The following MRTFA variants were observed in gnomAD, a reference collection of about 807,000 sequenced individuals.
The protein encoded by MRTFA is myocardin related transcription factor A.
MRTFA carries 20 observed loss-of-function variants against 83.5 expected under a neutral mutation model. The ratio of observed to expected loss-of-function variants is 0.24; its 90% CI spans 0.17 to 0.35. The LOEUF (loss-of-function observed/expected upper bound fraction) is 0.35, where lower values mean the gene tolerates loss of function less well. Ranked by LOEUF, MRTFA falls within the 10% of genes least tolerant of loss-of-function variation. MRTFA has a pLI of 1.00. For synonymous variants in MRTFA, 659 were observed against 541.2 expected, an observed-to-expected ratio of 1.22 and a Z score of -3.02; for missense variants, 1,200 against 1,224.7, an observed-to-expected ratio of 0.98 and a Z score of 0.30.
intron 2 of MRTFA, among the ~76,000 whole-genome samples, chr22:40,588,231 G>T (rs1157947132): frequency 6.6e-6 from 1 of 152,122 alleles, no homozygotes; most frequent in Non-Finnish European, 1.5e-5. Context: ...GTTTCACCAT[G>T]TTGGTCAGGC....
At chr22:40,615,620 GTCT>G (rs1163602923) in intron 1 of MRTFA, among the ~76,000 whole-genome samples, 1 of 151,484 alleles carries the variant, frequency 6.6e-6, no homozygotes, top group African/African-American at 2.4e-5. Context: ...ACTTATTTAG[GTCT>G]TCTTTAACTT....
intron 14 of MRTFA, chr22:40,412,537 A>G (rs1415077157): frequency 6.6e-6 from 1 of 152,248 alleles, no homozygotes; most frequent in African/African-American, 2.4e-5. Flanking sequence ...AGGTGTTGAT[A>G]AGTGCATTCA....
chr22:40,480,807 G>A (rs2054077298), intron 3 of MRTFA, among the ~76,000 whole-genome samples: 1 of 143,786 alleles, frequency 7.0e-6, no homozygotes, highest in African/African-American at 2.7e-5. Flanking sequence ...GGAGTGCAGT[G>A]GCGCGATCTC....
intron 7 of MRTFA, among the ~76,000 whole-genome samples, chr22:40,428,843 C>T (rs1191917310): frequency 3.9e-5 from 6 of 152,164 alleles, no homozygotes; most frequent in Non-Finnish European, 8.8e-5. Flanking sequence ...AGTGCCTTCT[C>T]ATCAGGTCCT....
chr22:40,588,874 G>A (rs534706106), intron 2 of MRTFA, among the ~76,000 whole-genome samples: 12 of 152,006 alleles, frequency 7.9e-5, no homozygotes, highest in African/African-American at 2.9e-4. Context: ...CCTAGCTACC[G>A]AGGAGGCTGA....
intron 4 of MRTFA, among the ~76,000 whole-genome samples, chr22:40,441,325 G>C (rs1015176359): frequency 3.3e-5 from 5 of 152,132 alleles, no homozygotes; most frequent in African/African-American, 1.2e-4. Flanking sequence ...TCTAGATGTG[G>C]ACCCCGCCCC....
intron 8 of MRTFA, 55 bp from the exon 9 acceptor site, chr22:40,423,740 A>C (rs895628902): frequency 1.4e-6 from 2 of 1,452,008 alleles, no homozygotes; most frequent in Non-Finnish European, 9.2e-7. Flanking sequence ...GGGTGTGCCC[A>C]GCCTGCCCTG....
intron 8 of MRTFA, among the ~76,000 whole-genome samples, 191 bp downstream of exon 8, chr22:40,424,015 T>TG (rs1219040560): frequency 1.3e-5 from 2 of 152,208 alleles, no homozygotes; most frequent in African/African-American, 4.8e-5. Flanking sequence ...CTCTGGCTGC[T>TG]GGAGAGGGGC....
chr22:40,586,684 G>A (rs967301736), intron 2 of MRTFA: 2 of 242,716 alleles, frequency 8.2e-6, no homozygotes, highest in Non-Finnish European at 1.6e-5. Context: ...GACCTTTATG[G>A]AATAAACCAA....
At chr22:40,475,490 T>C (rs2053978602) in intron 3 of MRTFA, among the ~76,000 whole-genome samples, 1 of 151,902 alleles carries the variant, frequency 6.6e-6, no homozygotes, top group Admixed American at 6.5e-5. Flanking sequence ...TGAGCCGAAA[T>C]TGTGCCCCTG....
At chr22:40,610,470 T>G (rs1330804306) in intron 1 of MRTFA, among the ~76,000 whole-genome samples, 1 of 152,172 alleles carries the variant, frequency 6.6e-6, no homozygotes, top group African/African-American at 2.4e-5. Flanking sequence ...TGGACTCAGA[T>G]TGCTGCTGTA....
chr22:40,568,961 G>A (rs2055744997), intron 2 of MRTFA, among the ~76,000 whole-genome samples: 1 of 152,098 alleles, frequency 6.6e-6, no homozygotes, highest in East Asian at 1.9e-4. Context: ...CAAGGAGAAA[G>A]GAAGAATACT....
intron 3 of MRTFA, among the ~76,000 whole-genome samples, chr22:40,464,492 G>A (rs1197287655): frequency 6.7e-6 from 1 of 149,482 alleles, no homozygotes; most frequent in Non-Finnish European, 1.5e-5. Flanking sequence ...CTGGGCAACA[G>A]AGCAAGACCC....
intron 3 of MRTFA, among the ~76,000 whole-genome samples, chr22:40,488,958 T>A (rs1471040987): frequency 6.6e-6 from 1 of 152,150 alleles, no homozygotes; most frequent in Admixed American, 6.5e-5. Context: ...TGTTAGATCT[T>A]TCATAGATCT....
rs1235947243 is a variant in MRTFA, at chr22:40,540,398, C to T, written c.241+11708G>A. On this transcript the variant is annotated intron_variant, in intron 3 of 14. Coordinates refer to ENST00000355630, the MANE Select transcript of MRTFA (RefSeq NM_020831.6). ...GCCTTCTCTGATCCCTGGCACTCTC[C>T]CCACCTTTCTCACAGCCTCCATGGA... Among the ~76,000 whole-genome samples, 4 of 152,100 alleles carry T rather than the reference C, an allele frequency of 2.6e-5. No individual in the cohort carries two copies. In the East Asian group the frequency reaches 5.8e-4, roughly 22 times the overall value.
chr22:40,463,014 C>T (rs2053742479), intron 4 of MRTFA, among the ~76,000 whole-genome samples: 1 of 152,192 alleles, frequency 6.6e-6, no homozygotes, highest in South Asian at 2.1e-4. Flanking sequence ...ACCCTTTAAA[C>T]ACAGTTTGTT....
intron 4 of MRTFA, among the ~76,000 whole-genome samples, chr22:40,438,550 C>G (rs1405213937): frequency 6.6e-6 from 1 of 152,194 alleles, no homozygotes; most frequent in Non-Finnish European, 1.5e-5. Flanking sequence ...TAGTGGAGGA[C>G]AGGTGATAGG....
At chr22:40,608,645 C>T (rs769144992) in intron 1 of MRTFA, among the ~76,000 whole-genome samples, 1 of 152,226 alleles carries the variant, frequency 6.6e-6, no homozygotes, top group Non-Finnish European at 1.5e-5. Context: ...TTAACCACTA[C>T]ACCATGCCTC....
intron 2 of MRTFA, among the ~76,000 whole-genome samples, chr22:40,578,005 G>A (rs1036958318): frequency 2.7e-5 from 4 of 150,680 alleles, no homozygotes; most frequent in African/African-American, 9.8e-5. Flanking sequence ...CCAGGCTGCA[G>A]TGCAGTGGTG....
Sources: gnomAD v4.1 joint callset for allele counts (sites outside exome capture counted in the v4.1 genomes callset) on GRCh38, gnomAD v4.1.1 for gene constraint, MANE v1.5 for transcripts, NCBI Gene and HGNC (gene_info 2026-07-23, HGNC 2026-07-21) for gene names.